TNFSF15: variants seen among roughly 807,000 people sequenced by gnomAD.
TNFSF15 encodes TNF superfamily member 15, also known as tumor necrosis factor ligand superfamily member 15.
TNFSF15 carries 15 observed loss-of-function variants against 26.4 expected under a neutral mutation model. The ratio of observed to expected loss-of-function variants is 0.57; its 90% CI spans 0.38 to 0.87. TNFSF15 has a LOEUF of 0.87. Ranked by LOEUF, TNFSF15 falls within the 40% of genes least tolerant of loss-of-function variation. The probability of loss-of-function intolerance (pLI) is 0.00; values close to 1 mark genes in which losing one functional copy is unlikely to be tolerated. For synonymous variants in TNFSF15, 116 were observed against 115.0 expected (o/e 1.01, Z -0.06); for missense variants, 290 against 306.1 (o/e 0.95, Z 0.39).
chr9:114,802,285 C>G (rs879944073), intron 1 of TNFSF15, among the ~76,000 whole-genome samples: 3 of 152,150 alleles, frequency 2.0e-5, no homozygotes, highest in Non-Finnish European at 2.9e-5. Context: ...CGGAGTCTTG[C>G]TCTGTCACCC....
chr9:114,784,821 T>C lies in TNFSF15; in HGVS notation c.*5631A>G, dbSNP rs1198306530. On this transcript the variant is annotated 3_prime_UTR_variant, in exon 4 of 4. Transcript: ENST00000374045. ...AATATGCATTTTACCTTGCGGTTGA[T>C]GTTTTAACATAAAACATAAAATCAA... 1 of 152,276 alleles carries C rather than the reference T, an allele frequency of 6.6e-6. No individual in the cohort carries two copies. The highest frequency in any genetic ancestry group is 1.5e-5 in the Non-Finnish European group (1 of 68,056). 9.4% of individuals were successfully genotyped at this position (152,276 alleles called of 1,614,324 possible).
intron 1 of TNFSF15, among the ~76,000 whole-genome samples, chr9:114,803,116 A>G (rs1422645692): frequency 4.6e-5 from 7 of 151,938 alleles, no homozygotes; most frequent in Non-Finnish European, 8.8e-5. Context: ...TCCCTCCTCC[A>G]GAAAGCTTTT....
At chr9:114,794,335 A>G (rs1338246797) in intron 1 of TNFSF15, among the ~76,000 whole-genome samples, 2 of 152,240 alleles carry the variant, frequency 1.3e-5, no homozygotes, top group African/African-American at 4.8e-5. Context: ...CATCACTCAC[A>G]TACCTGAGCA....
chr9:114,794,444 A>G (rs763406769), intron 1 of TNFSF15, among the ~76,000 whole-genome samples: 2 of 152,212 alleles, frequency 1.3e-5, no homozygotes, highest in Non-Finnish European at 2.9e-5. Context: ...TACAGCCACT[A>G]TGGAAAATAG....
chr9:114,793,530 T>C lies in TNFSF15; in HGVS notation c.249A>G (p.Gln83=). ...KGQEFAPSHQ[Q]VYAPLRADGD... ...GTTGAAGATGAGCATACTTACAAAC[T>C]TGCTGATGTGAAGGTGCAAACTCCT... The change falls in exon 2 of 4, where the codon CAA becomes CAG. Residue 83 remains glutamine (Q), a synonymous_variant. Transcript: ENST00000374045. 1 of 1,613,874 alleles carries C rather than the reference T, an allele frequency of 6.2e-7. No individual in the cohort carries two copies. The highest frequency in any genetic ancestry group is 8.5e-7 in the Non-Finnish European group (1 of 1,179,776).
At chr9:114,803,320 A>G (rs1377308349) in intron 1 of TNFSF15, among the ~76,000 whole-genome samples, 3 of 152,052 alleles carry the variant, frequency 2.0e-5, no homozygotes, top group Non-Finnish European at 2.9e-5. Context: ...AACATACACA[A>G]TGCTCCTTCT....
rs1829507861 is a variant in TNFSF15, at chr9:114,786,768, CG to C, written c.*3683del. ...TCTACTAAAAATGCAAAAAATTAGC[CG>C]GGCATGGTGGTGGGAGCCTGTAGTC... On this transcript the variant is annotated 3_prime_UTR_variant, in exon 4 of 4. Transcript: ENST00000374045. The C allele has an allele frequency of 6.6e-6, 1 of 151,668 alleles. No homozygotes were observed. Among genetic ancestry groups the C allele is most frequent in the Non-Finnish European group, 1.5e-5 (1 of 67,976 alleles). 9.4% of individuals were successfully genotyped at this position (151,668 alleles called of 1,614,324 possible).
At chr9:114,799,348 T>G (rs1564346563) in intron 1 of TNFSF15, among the ~76,000 whole-genome samples, 1 of 152,348 alleles carries the variant, frequency 6.6e-6, no homozygotes, top group East Asian at 1.9e-4. Context: ...TTTCCTCATT[T>G]CTTTGGGCTC....
intron 2 of TNFSF15, among the ~76,000 whole-genome samples, chr9:114,793,004 T>C (rs370846330): frequency 2.6e-5 from 4 of 152,208 alleles, no homozygotes; most frequent in African/African-American, 9.7e-5. Context: ...GTTTGTCTAT[T>C]AGTTCTTGAG....
At chr9:114,805,769 C>T (rs7030574) in intron 1 of TNFSF15, 34 bp downstream of exon 1, 129 of 1,600,732 alleles carry the variant, frequency 8.1e-5, no homozygotes, top group Non-Finnish European at 3.8e-5. Flanking sequence ...GAGTCCACTG[C>T]TCCTCCCCAA....
rs200046557 is a variant in TNFSF15 at position 114,790,818 on chromosome 9, G to A, written c.390C>T (p.Asn130=). ...EHELGLAFTK[N]RMNYTNKFLL... is the part of the protein sequence containing the mutation. Reference sequence around the variant, plus strand: ...GGAATTTGTTGGTATAGTTCATTCGGTTCTTGGTGAAGGCCAGGCCTAGTT... The same window carrying A: ...GGAATTTGTTGGTATAGTTCATTCGATTCTTGGTGAAGGCCAGGCCTAGTT... Residue 130 remains asparagine, a synonymous_variant, in exon 4 of 4, where the codon AAC becomes AAT. Coordinates refer to ENST00000374045, the MANE Select transcript of TNFSF15 (RefSeq NM_005118.4). 5 of 1,614,132 alleles carry A rather than the reference G, an allele frequency of 3.1e-6. No individual in the cohort carries two copies. The highest frequency in any genetic ancestry group is 1.3e-5 in the African/African-American group (1 of 75,026).
Position 114,785,533 on chromosome 9 carries a change from T to A in TNFSF15, c.*4919A>T, listed in dbSNP as rs1317455634. On this transcript the variant is annotated 3_prime_UTR_variant, in exon 4 of 4. Transcript: ENST00000374045. ...ACCTCAGAGATCCTTTGGCTTAATCTCTCCCCCAACCTCTGTGAAGAATAG... is the reference window on the plus strand; with the variant it reads ...ACCTCAGAGATCCTTTGGCTTAATCACTCCCCCAACCTCTGTGAAGAATAG... 6.6e-6 allele frequency: 1 copy of A among 152,214 alleles called. No individual in the cohort carries two copies. The highest frequency in any genetic ancestry group is 1.5e-5 in the Non-Finnish European group (1 of 68,044). The allele number at this position is 152,214 out of a possible 1,614,324, so 9.4% of individuals were successfully genotyped here.
chr9:114,786,122 T>A lies in TNFSF15; in HGVS notation c.*4330A>T, dbSNP rs1279076106. 2 of 152,248 alleles carry A rather than the reference T, an allele frequency of 1.3e-5. No homozygotes were observed. The highest frequency in any genetic ancestry group is 2.9e-5 in the Non-Finnish European group (2 of 68,046). The allele number at this position is 152,248 out of a possible 1,614,324, so 9.4% of individuals were successfully genotyped here. A position where few individuals can be genotyped will look rare whatever the true frequency, so the allele number is the denominator to read the frequency against. On this transcript the variant is annotated 3_prime_UTR_variant, in exon 4 of 4. Transcript: ENST00000374045. ...TTCAAGGCTTATTAGGTTAACAGTCTACTAAATTCTCTGTAGGTCCAGCTG... is the reference window on the plus strand; with the variant it reads ...TTCAAGGCTTATTAGGTTAACAGTCAACTAAATTCTCTGTAGGTCCAGCTG...
intron 1 of TNFSF15, among the ~76,000 whole-genome samples, chr9:114,794,203 G>T (rs1263744544): frequency 6.6e-6 from 1 of 152,136 alleles, no homozygotes; most frequent in East Asian, 1.9e-4. Context: ...GAGCTTTGGT[G>T]TCTTTATTTC....
At position 114,788,689 on chromosome 9, in the gene TNFSF15, C is replaced by T. The variant is rs1277501233; in HGVS notation, c.*1763G>A. 6.6e-6 allele frequency: 1 copy of T among 152,116 alleles called. No homozygotes were observed. The highest frequency in any genetic ancestry group is 2.4e-5 in the African/African-American group (1 of 41,426). The allele number at this position is 152,116 out of a possible 1,614,324, so 9.4% of individuals were successfully genotyped here. A position where few individuals can be genotyped will look rare whatever the true frequency, so the allele number is the denominator to read the frequency against. On this transcript the variant is annotated 3_prime_UTR_variant, in exon 4 of 4. Coordinates refer to ENST00000374045, the MANE Select transcript of TNFSF15 (RefSeq NM_005118.4). Reference sequence around the variant, plus strand: ...AGCATTTATAATACGGGCCAAGGGTCACCAGTCATATAATACCGAAATGCT... The same window carrying T: ...AGCATTTATAATACGGGCCAAGGGTTACCAGTCATATAATACCGAAATGCT...
At position 114,787,459 on chromosome 9, in the gene TNFSF15, A is replaced by C. The variant is rs563544377; in HGVS notation, c.*2993T>G. ...CTAAATAATTTATCTCTGTGTCCCC[A>C]GGGGCAGTAGGTACTCAGTAAATGT... On this transcript the variant is annotated 3_prime_UTR_variant, in exon 4 of 4. Coordinates refer to ENST00000374045, the MANE Select transcript of TNFSF15 (RefSeq NM_005118.4). 4.6e-5 allele frequency: 7 copies of C among 152,350 alleles called. No individual in the cohort carries two copies. In the East Asian group the frequency reaches 9.6e-4, roughly 21 times the overall value. 9.4% of individuals were successfully genotyped at this position (152,350 alleles called of 1,614,324 possible).
chr9:114,790,538 C>T lies in TNFSF15; in HGVS notation c.670G>A (p.Asp224Asn). The stretch of plus-strand genomic sequence containing the variant: ...TCACTGACGTTCACCATTAGCTTGT[C>T]CCCTTCTTGCAAGGAGAACATGGCT... ...LGAMFSLQEG[D>N]KLMVNVSDIS... Residue 224 changes from aspartate (D) to asparagine (N), a missense_variant, in exon 4 of 4, where the codon GAC (aspartate) becomes AAC (asparagine). Physicochemically the swap from Asp to Asn is conservative, Grantham distance 23 (BLOSUM62 1). Transcript: ENST00000374045. 1 of 1,614,108 alleles carries T rather than the reference C, an allele frequency of 6.2e-7. No individual in the cohort carries two copies. The highest frequency in any genetic ancestry group is 8.5e-7 in the Non-Finnish European group (1 of 1,180,030).
At chr9:114,800,966 G>A (rs930671947) in intron 1 of TNFSF15, among the ~76,000 whole-genome samples, 1 of 152,194 alleles carries the variant, frequency 6.6e-6, no homozygotes, top group African/African-American at 2.4e-5. Context: ...AAAGGCAGGA[G>A]CATTGTAGAG....
intron 1 of TNFSF15, among the ~76,000 whole-genome samples, chr9:114,796,320 G>C (rs1829671530): frequency 6.6e-6 from 1 of 152,034 alleles, no homozygotes; most frequent in Non-Finnish European, 1.5e-5. Flanking sequence ...ACTTTATCTA[G>C]ATACTACACT....
Sources: gnomAD v4.1 joint callset for allele counts (sites outside exome capture counted in the v4.1 genomes callset) on GRCh38, gnomAD v4.1.1 for gene constraint, MANE v1.5 for transcripts, NCBI Gene and HGNC (gene_info 2026-07-23, HGNC 2026-07-21) for gene names.